The following PGBD5 variants were observed in gnomAD, a reference collection of about 807,000 sequenced individuals.
The protein encoded by PGBD5 is piggyBac transposable element-derived protein 5.
A neutral mutation model predicts 47.9 loss-of-function variants in PGBD5; 14 were observed. That is an observed-to-expected ratio of 0.29 (90% CI 0.19 to 0.46). The LOEUF is 0.46. Among genes scored for constraint, PGBD5 ranks in the 20% least tolerant of loss-of-function variants. The pLI, the probability that PGBD5 is intolerant of heterozygous loss-of-function variation, is 1.00. For synonymous variants in PGBD5, 316 were observed against 306.3 expected (o/e 1.03, Z -0.33); for missense variants, 635 against 716.0 (o/e 0.89, Z 1.29).
intron 1 of PGBD5, among the ~76,000 whole-genome samples, chr1:230,420,503 C>G (rs148327344): frequency 1.3e-5 from 2 of 152,118 alleles, no homozygotes; most frequent in African/African-American, 4.8e-5. Flanking sequence ...GTGTCAAGGG[C>G]GGGGCCAGGT....
Position 230,316,018 on chromosome 1 carries a change from G to C in PGBD5, c.*7407C>G, listed in dbSNP as rs1046968558. The C allele has an allele frequency of 7.6e-6, 1 of 131,668 alleles. No homozygotes were observed. Among genetic ancestry groups the C allele is most frequent in the Non-Finnish European group, 1.7e-5 (1 of 59,364 alleles). The allele number at this position is 131,668 out of a possible 1,614,324, so 8.2% of individuals were successfully genotyped here. ...CATAAGTATATGTGTACACATATAT[G>C]TATGTGTATACATACATAAGTATAT... is the stretch of plus-strand genomic sequence containing the variant. On this transcript the variant is annotated 3_prime_UTR_variant, in exon 7 of 7. Coordinates refer to ENST00000391860, the MANE Select transcript of PGBD5 (RefSeq NM_001258311.2).
rs778853953 is a variant in PGBD5 at position 230,390,567 on chromosome 1, G to C, written c.332-33246C>G. 1.1e-3 allele frequency among the ~76,000 whole-genome samples: 166 copies of C among 152,264 alleles called. 1 individual carries two copies. The highest frequency in any genetic ancestry group is 1.9e-3 in the South Asian group (9 of 4,820). ...CGGGCATCTCACCCAGAGGGTGGAG[G>C]TGGTATCAGAATCACATGTAGCATC... On this transcript the variant is annotated intron_variant, in intron 1 of 6. Coordinates refer to ENST00000391860, the MANE Select transcript of PGBD5 (RefSeq NM_001258311.2).
chr1:230,350,235 G>A (rs1254019432), intron 3 of PGBD5, among the ~76,000 whole-genome samples: 2 of 152,236 alleles, frequency 1.3e-5, no homozygotes, highest in Non-Finnish European at 2.9e-5. Flanking sequence ...ACTAGGCAGG[G>A]AGACGTCACT....
At position 230,317,943 on chromosome 1, in the gene PGBD5, C is replaced by A. The variant is rs1402887958; in HGVS notation, c.*5482G>T. On this transcript the variant is annotated 3_prime_UTR_variant, in exon 7 of 7. Transcript: ENST00000391860. Reference sequence around the variant, plus strand: ...TTACGACCGTGTATACATGGGTATACACGGAAGGGTGAAGGTGCCCCACCC... The same window carrying A: ...TTACGACCGTGTATACATGGGTATAAACGGAAGGGTGAAGGTGCCCCACCC... The A allele has an allele frequency of 6.6e-6, 1 of 152,120 alleles. No individual in the cohort carries two copies. The highest frequency in any genetic ancestry group is 1.5e-5 in the Non-Finnish European group (1 of 68,036). 9.4% of individuals were successfully genotyped at this position (152,120 alleles called of 1,614,324 possible). A position where few individuals can be genotyped will look rare whatever the true frequency, so the allele number is the denominator to read the frequency against.
At chr1:230,390,103 C>T (rs192954961) in intron 1 of PGBD5, among the ~76,000 whole-genome samples, 1 of 152,208 alleles carries the variant, frequency 6.6e-6, no homozygotes, top group African/African-American at 2.4e-5. Flanking sequence ...AATCATCAGG[C>T]GAGGCTGCTT....
At position 230,405,018 on chromosome 1, in the gene PGBD5, C is replaced by T. The variant is rs1172079611; in HGVS notation, c.331+20580G>A. Reference sequence around the variant, plus strand: ...TAAAAAGATATATGAAGAGGTGAAACCCCGTCTCCACTAAAAATACAAAAA... The same window carrying T: ...TAAAAAGATATATGAAGAGGTGAAATCCCGTCTCCACTAAAAATACAAAAA... On this transcript the variant is annotated intron_variant, in intron 1 of 6. Coordinates refer to ENST00000391860, the MANE Select transcript of PGBD5 (RefSeq NM_001258311.2). Among the ~76,000 whole-genome samples the T allele has an allele frequency of 4.2e-5, 6 of 144,024 alleles. No homozygotes were observed. In the Admixed American group the frequency reaches 4.2e-4, roughly 10 times the overall value. The allele number at this position is 144,024 out of a possible 152,430, so 94.5% of individuals were successfully genotyped here.
Position 230,316,195 on chromosome 1 carries a change from TATAC to T in PGBD5, c.*7226_*7229del, listed in dbSNP as rs1463671605. 60 of 152,568 alleles carry T rather than the reference TATAC, an allele frequency of 3.9e-4. No individual in the cohort carries two copies. Among genetic ancestry groups the T allele is most frequent in the Admixed American group, 5.2e-4 (8 of 15,288 alleles). 9.5% of individuals were successfully genotyped at this position (152,568 alleles called of 1,614,324 possible). A position where few individuals can be genotyped will look rare whatever the true frequency, so the allele number is the denominator to read the frequency against. On this transcript the variant is annotated 3_prime_UTR_variant, in exon 7 of 7. Transcript: ENST00000391860. ...ATACATACGTACACATGTGCATGTG[TATAC>T]ATACATATGTACACATGTGTATATG...
At chr1:230,399,197 AAATACGGCCCATGT>A (rs1193346499) in intron 1 of PGBD5, among the ~76,000 whole-genome samples, 1 of 152,138 alleles carries the variant, frequency 6.6e-6, no homozygotes, top group East Asian at 1.9e-4. Context: ...TTTCATATGT[AAATACGGCCCATGT>A]AATGACCGGC....
intron 1 of PGBD5, among the ~76,000 whole-genome samples, chr1:230,386,746 AT>A: frequency 6.6e-6 from 1 of 152,126 alleles, no homozygotes; most frequent in African/African-American, 2.4e-5. Context: ...TTTCTTCTTG[AT>A]TTGGTAAGAC....
At position 230,374,436 on chromosome 1, in the gene PGBD5, T is replaced by C. The variant is rs117553140; in HGVS notation, c.332-17115A>G. 1.8e-4 allele frequency among the ~76,000 whole-genome samples: 28 copies of C among 152,144 alleles called. No individual in the cohort carries two copies. In the East Asian group the frequency reaches 5.4e-3, roughly 29 times the overall value. On this transcript the variant is annotated intron_variant, in intron 1 of 6. Transcript: ENST00000391860. ...CATCTCAAAAAGGAAAAATAAAAAA[T>C]TTCATGAGAACACCTTTACAGAGAT... is the stretch of plus-strand genomic sequence containing the variant.
At chr1:230,356,209 C>T (rs1316485717) in intron 2 of PGBD5, among the ~76,000 whole-genome samples, 1 of 152,198 alleles carries the variant, frequency 6.6e-6, no homozygotes, top group Non-Finnish European at 1.5e-5. Flanking sequence ...GTTTGCTAGA[C>T]CAGCCGGGCA....
intron 1 of PGBD5, among the ~76,000 whole-genome samples, chr1:230,421,114 G>A (rs1046228751): frequency 5.9e-5 from 9 of 152,144 alleles, no homozygotes; most frequent in Non-Finnish European, 1.0e-4. Flanking sequence ...AAACAGCTCT[G>A]AGTACTCATT....
chr1:230,347,989 A>G (rs917093956), intron 3 of PGBD5, among the ~76,000 whole-genome samples: 7 of 152,266 alleles, frequency 4.6e-5, no homozygotes, highest in Middle Eastern at 3.4e-3. Context: ...CTTTTCACAT[A>G]CCACAGCTGC....
rs1416088396 is a variant in PGBD5, at chr1:230,337,793, T to C, written c.895-505A>G. On this transcript the variant is annotated intron_variant, in intron 3 of 6. Coordinates refer to ENST00000391860, the MANE Select transcript of PGBD5 (RefSeq NM_001258311.2). ...CCTCACGGTGCAGAGGAGACAGGAC[T>C]GAGGGCTAAACATTTGCCCAAGAGT... Among the ~76,000 whole-genome samples, 7 of 152,260 alleles carry C rather than the reference T, an allele frequency of 4.6e-5. No homozygotes were observed. The East Asian group carries it at 9.6e-4, about 21-fold the overall frequency.
At chr1:230,410,234 C>A (rs879546488) in intron 1 of PGBD5, among the ~76,000 whole-genome samples, 3 of 151,906 alleles carry the variant, frequency 2.0e-5, no homozygotes, top group African/African-American at 4.8e-5. Context: ...TATGTGTGCA[C>A]CAAATAATAC....
At chr1:230,395,466 ACTCC>A (rs200040441) in intron 1 of PGBD5, among the ~76,000 whole-genome samples, 30 of 8,532 alleles carry the variant, frequency 3.5e-3, no homozygotes, top group Middle Eastern at 0.05. Flanking sequence ...CTCCTCTCTC[ACTCC>A]CTCCCTCCTC....
chr1:230,401,045 G>C (rs1363115977), intron 1 of PGBD5, among the ~76,000 whole-genome samples: 1 of 152,222 alleles, frequency 6.6e-6, no homozygotes, highest in Non-Finnish European at 1.5e-5. Context: ...ACAGTTACCT[G>C]GAGACTGTCC....
intron 1 of PGBD5, among the ~76,000 whole-genome samples, chr1:230,373,176 G>A (rs939163169): frequency 2.6e-5 from 4 of 152,202 alleles, no homozygotes; most frequent in African/African-American, 4.8e-5. Context: ...GCTCACAGGA[G>A]TATCACTCAG....
intron 1 of PGBD5, among the ~76,000 whole-genome samples, chr1:230,388,544 T>C (rs564283709): frequency 1.3e-5 from 2 of 152,054 alleles, no homozygotes; most frequent in East Asian, 3.9e-4. Flanking sequence ...GCTTCCCAAG[T>C]AGCTGGGACT....
Sources: gnomAD v4.1 joint callset for allele counts (sites outside exome capture counted in the v4.1 genomes callset) on GRCh38, gnomAD v4.1.1 for gene constraint, MANE v1.5 for transcripts, NCBI Gene and HGNC (gene_info 2026-07-23, HGNC 2026-07-21) for gene names.